Variants in MYBBP1A observed in about 807,000 individuals in gnomAD.
MYBBP1A encodes myb-binding protein 1A.
MYBBP1A carries 147 observed loss-of-function variants against 136.3 expected under a neutral mutation model. The observed-to-expected ratio is 1.08, with a 90% confidence interval of 0.94 to 1.24. MYBBP1A has a LOEUF of 1.24. MYBBP1A is among the 50% of genes most tolerant of loss of function. The probability of loss-of-function intolerance (pLI) is 0.00; values close to 1 mark genes in which losing one functional copy is unlikely to be tolerated. For missense variants in MYBBP1A, 2,060 were observed against 1,727.4 expected (o/e 1.19, Z -3.41); for synonymous variants, 947 against 735.8 (o/e 1.29, Z -4.65).
In MYBBP1A at chr17:4,551,911, C is replaced by T. The variant is rs143727955; in HGVS notation, c.992G>A (p.Arg331His). Reference protein sequence around the residue: ...LHLVMQGDVIRHYGEHVCTAK... With the variant: ...LHLVMQGDVIHHYGEHVCTAK... ...AGTGCACACGTGCTCCCCGTAATGG[C>T]GGATCACGTCTCCCTGCATCACCAG... Residue 331 changes from arginine to histidine, a missense_variant, in exon 8 of 26, where the codon CGC (arginine) becomes CAC (histidine). Coordinates refer to ENST00000254718, the MANE Select transcript of MYBBP1A (RefSeq NM_014520.4). The T allele has an allele frequency of 1.7e-5, 27 of 1,613,392 alleles. No individual in the cohort carries two copies. Among genetic ancestry groups the T allele is most frequent in the Admixed American group, 3.3e-5 (2 of 60,022 alleles).
chr17:4,548,783 CG>C lies in MYBBP1A; in HGVS notation c.1431-135del. Reference sequence around the variant, plus strand: ...GCCCTTCTGCCCTGGGTACAGTCCTCGGGGGCCTGACGGGCAAGGCTGGAGG... The same window carrying C: ...GCCCTTCTGCCCTGGGTACAGTCCTCGGGGCCTGACGGGCAAGGCTGGAGG... On this transcript the variant is annotated intron_variant, in intron 10 of 25. Coordinates refer to ENST00000254718, the MANE Select transcript of MYBBP1A (RefSeq NM_014520.4). The surrounding 1 kb of genome is among the most constrained non-coding windows in gnomAD (Gnocchi z 4.2). The C allele has an allele frequency of 7.9e-7, 1 of 1,271,524 alleles. No individual in the cohort carries two copies. The allele number at this position is 1,271,524 out of a possible 1,614,324, so 78.8% of individuals were successfully genotyped here.
Position 4,539,071 on chromosome 17 carries a change from G to A in MYBBP1A, c.*344C>T, listed in dbSNP as rs1906076421. The A allele has an allele frequency of 1.5e-6, 2 of 1,337,594 alleles. No individual in the cohort carries two copies. The highest frequency in any genetic ancestry group is 1.1e-6 in the Non-Finnish European group (1 of 937,630). 82.9% of individuals were successfully genotyped at this position (1,337,594 alleles called of 1,614,324 possible). ...GCTCCCTCACAGCAAAAAAGCCTGG[G>A]GGCAAAGAGGTGGCAGGCACGAGAG... is the stretch of plus-strand genomic sequence containing the variant. On this transcript the variant is annotated 3_prime_UTR_variant, in exon 26 of 26. Coordinates refer to ENST00000254718, the MANE Select transcript of MYBBP1A (RefSeq NM_014520.4).
At chr17:4,541,604 G>C in intron 23 of MYBBP1A, 40 bp from the exon 24 acceptor site, 1 of 1,586,056 alleles carries the variant, frequency 6.3e-7, no homozygotes, top group Non-Finnish European at 8.6e-7. Flanking sequence ...CCGGAGAGCT[G>C]CTCAAAGCCT....
rs960658635 is a variant in MYBBP1A at position 4,540,931 on chromosome 17, G to A, written c.3298-447C>T. ...CTATCAGCCAGTTTTGTAAGGCCCCGTCCCGGGCCCCGCCTCTGCCTGCCA... is the reference window on the plus strand; with the variant it reads ...CTATCAGCCAGTTTTGTAAGGCCCCATCCCGGGCCCCGCCTCTGCCTGCCA... On this transcript the variant is annotated intron_variant, in intron 24 of 25. Coordinates refer to ENST00000254718, the MANE Select transcript of MYBBP1A (RefSeq NM_014520.4). Among the ~76,000 whole-genome samples the A allele has an allele frequency of 5.9e-5, 9 of 152,342 alleles. No individual in the cohort carries two copies. The South Asian group carries it at 8.3e-4, about 14-fold the overall frequency.
intron 22 of MYBBP1A, 160 bp downstream of exon 22, chr17:4,542,304 C>A: frequency 2.4e-6 from 2 of 821,930 alleles, no homozygotes; most frequent in East Asian, 2.6e-5. Context: ...ACGGCCACCC[C>A]CTTCAGAGAC....
rs140870063 is a variant in MYBBP1A, at chr17:4,539,596, G to T, written c.3806C>A (p.Thr1269Lys). 6.2e-7 allele frequency: 1 copy of T among 1,614,000 alleles called. No individual in the cohort carries two copies. Among genetic ancestry groups the T allele is most frequent in the South Asian group, 1.1e-5 (1 of 91,080 alleles). Residue 1269 changes from threonine (T) to lysine (K), a missense_variant, in exon 26 of 26, where the codon ACG becomes AAG. Transcript: ENST00000254718. The stretch of plus-strand genomic sequence containing the variant: ...ATGCTGCTTTTGGCCTGCAGGTTCC[G>T]TGGGGGACCCGGGAGCTCCATTCAC... ...SQVNGAPGSP[T>K]EPAGQKQHQK...
At position 4,550,075 on chromosome 17, in the gene MYBBP1A, C is replaced by T. The variant is rs1482354534; in HGVS notation, c.1302G>A (p.Gln434=). Reference sequence around the variant, plus strand: ...CCACTCACATGTGGAGCGATGAATCCTGGGCTTTCTTCTGGTTGTTGGTGC... The same window carrying T: ...CCACTCACATGTGGAGCGATGAATCTTGGGCTTTCTTCTGGTTGTTGGTGC... ...DFSTNNQKKA[Q]DSSLHMPERA... is the part of the protein sequence containing the mutation. Residue 434 remains glutamine, a synonymous_variant, in exon 9 of 26, where the codon CAG becomes CAA. Transcript: ENST00000254718. 2.5e-6 allele frequency: 4 copies of T among 1,612,960 alleles called. No homozygotes were observed. The highest frequency in any genetic ancestry group is 1.3e-5 in the African/African-American group (1 of 74,882).
chr17:4,544,837 CGGCAAAGA>C lies in MYBBP1A; in HGVS notation c.2387_2394del (p.Leu796ArgfsTer97). The C allele has an allele frequency of 6.2e-7, 1 of 1,607,964 alleles. No individual in the cohort carries two copies. The highest frequency in any genetic ancestry group is 8.5e-7 in the Non-Finnish European group (1 of 1,177,648). The stretch of plus-strand genomic sequence containing the variant: ...CGGGCCTGGATACGCAGCTTCTGCT[CGGCAAAGA>C]GGCTGGCGAGGCTCTGGTCCAGGGC... On this transcript the variant is annotated frameshift_variant, in exon 18 of 26. Transcript: ENST00000254718. LOFTEE classifies it high-confidence loss of function.
At position 4,550,202 on chromosome 17, in the gene MYBBP1A, C is replaced by CA; in HGVS notation, c.1174dup (p.Trp392LeufsTer33). ...AGGGCTCAGGAACCGCACGACCCGC[C>CA]AGAAAGTAGGCGTGACAGGGAGGCC... On this transcript the variant is annotated frameshift_variant, in exon 9 of 26. Transcript: ENST00000254718. LOFTEE classifies it high-confidence loss of function. 1 of 1,613,870 alleles carries CA rather than the reference C, an allele frequency of 6.2e-7. No homozygotes were observed. The highest frequency in any genetic ancestry group is 2.2e-5 in the East Asian group (1 of 44,888).
chr17:4,553,739 T>G, intron 5 of MYBBP1A, 71 bp downstream of exon 5: 3 of 1,162,236 alleles, frequency 2.6e-6, no homozygotes, highest in Non-Finnish European at 2.6e-6. Context: ...TGTTCCAGAT[T>G]CTCATCCGAG....
intron 13 of MYBBP1A, among the ~76,000 whole-genome samples, chr17:4,546,153 C>G (rs1487422025): frequency 6.6e-6 from 1 of 152,266 alleles, no homozygotes. Context: ...GAGTCTCGCT[C>G]TATTGCCCAG....
At chr17:4,546,338 T>C (rs565802122) in intron 13 of MYBBP1A, among the ~76,000 whole-genome samples, 139 of 152,282 alleles carry the variant, frequency 9.1e-4, no homozygotes, top group African/African-American at 2.2e-3. Context: ...AGGCTGGTCT[T>C]GAACTCCTGA....
intron 13 of MYBBP1A, 42 bp from the exon 14 acceptor site, chr17:4,545,984 C>T: frequency 1.3e-6 from 2 of 1,578,914 alleles, no homozygotes; most frequent in Non-Finnish European, 1.7e-6. Context: ...AGGCCCTGTC[C>T]CCAGCCCTTC....
chr17:4,552,568 A>AT lies in MYBBP1A; in HGVS notation c.619dup (p.Ile207AsnfsTer7). The AT allele has an allele frequency of 6.2e-7, 1 of 1,614,022 alleles. No homozygotes were observed. Among genetic ancestry groups the AT allele is most frequent in the Non-Finnish European group, 8.5e-7 (1 of 1,180,026 alleles). On this transcript the variant is annotated frameshift_variant, in exon 6 of 26. Coordinates refer to ENST00000254718, the MANE Select transcript of MYBBP1A (RefSeq NM_014520.4). LOFTEE classifies it high-confidence loss of function. The surrounding 1 kb of genome is among the most constrained non-coding windows in gnomAD (Gnocchi z 4.7). ...TAGCTGTTCAGGGGAGCTGAGTATTATATTCAAGTCGGCTTTGAGGACCTC... is the reference window on the plus strand; with the variant it reads ...TAGCTGTTCAGGGGAGCTGAGTATTATTATTCAAGTCGGCTTTGAGGACCTC...
chr17:4,553,488 C>T (rs1229475795), intron 5 of MYBBP1A, among the ~76,000 whole-genome samples: 1 of 152,234 alleles, frequency 6.6e-6, no homozygotes, highest in Non-Finnish European at 1.5e-5. Flanking sequence ...GGTGGCTAAT[C>T]TGAACAGGGG....
At chr17:4,540,200 G>A (rs527923117) in intron 25 of MYBBP1A, 148 bp downstream of exon 25, 4 of 1,275,288 alleles carry the variant, frequency 3.1e-6, no homozygotes, top group East Asian at 2.5e-5. Context: ...TCCCACATCT[G>A]AGAATGCGCT....
chr17:4,540,041 AC>A, intron 25 of MYBBP1A, 74 bp from the exon 26 acceptor site: 3 of 1,504,076 alleles, frequency 2.0e-6, no homozygotes, highest in Non-Finnish European at 2.7e-6. Flanking sequence ...TGCTACCTCC[AC>A]CTGGATTCTG....
At chr17:4,544,681 T>C (rs1443249416) in intron 18 of MYBBP1A, 35 bp from the exon 19 acceptor site, 1 of 865,184 alleles carries the variant, frequency 1.2e-6, no homozygotes, top group South Asian at 2.3e-5. Context: ...AACACGGGGG[T>C]GGGCGCACAG....
In MYBBP1A at chr17:4,548,255, C is replaced by T. The variant is rs758094390; in HGVS notation, c.1612G>A (p.Gly538Arg). ...ACCAGGTGGTAGGTCCAGGGCTGCC[C>T]ACCCTGGGTCTGGCCCGGTGCCTGC... ...FKQAPGQTQG[G>R]QPWTYHLVQF... Residue 538 changes from glycine to arginine, a missense_variant, in exon 12 of 26, where the codon GGG (glycine) becomes AGG (arginine). Gly to Arg is a moderately radical substitution (Grantham distance 125). Coordinates refer to ENST00000254718, the MANE Select transcript of MYBBP1A (RefSeq NM_014520.4). The surrounding 1 kb of genome is among the most constrained non-coding windows in gnomAD (Gnocchi z 4.2). 49 of 1,612,156 alleles carry T rather than the reference C, an allele frequency of 3.0e-5. No homozygotes were observed. The highest frequency in any genetic ancestry group is 3.8e-5 in the Non-Finnish European group (45 of 1,180,014).
Sources: allele counts gnomAD v4.1 joint callset (sites outside exome capture counted in the v4.1 genomes callset), GRCh38; gene constraint gnomAD v4.1.1; non-coding constraint Gnocchi (gnomAD v3.1); transcripts MANE v1.5; gene names NCBI Gene and HGNC (gene_info 2026-07-23, HGNC 2026-07-21).